The following ANKS1A variants were observed in gnomAD, a reference collection of about 807,000 sequenced individuals.
ANKS1A encodes the protein ankyrin repeat and SAM domain-containing protein 1A.
Under a neutral mutation model 120.3 loss-of-function variants are expected in ANKS1A, and 55 were observed. The observed-to-expected ratio is 0.46, with a 90% CI of 0.37 to 0.57. The LOEUF (loss-of-function observed/expected upper bound fraction) is 0.57, where lower values mean the gene tolerates loss of function less well. Among genes scored for constraint, ANKS1A ranks in the 20% least tolerant of loss-of-function variants. The pLI, the probability that ANKS1A is intolerant of heterozygous loss-of-function variation, is 0.00. For missense variants in ANKS1A, 1,123 were observed against 1,480.3 expected, an observed-to-expected ratio of 0.76 and a Z score of 3.96; for synonymous variants, 590 against 604.7, an observed-to-expected ratio of 0.98 and a Z score of 0.36.
At chr6:34,938,921 G>A (rs1044350825) in intron 1 of ANKS1A, among the ~76,000 whole-genome samples, 7 of 152,238 alleles carry the variant, frequency 4.6e-5, no homozygotes, top group Admixed American at 6.5e-5. Flanking sequence ...CCGGGAGGTG[G>A]AGGTTACAGT....
chr6:34,973,968 T>G (rs1350063958), intron 3 of ANKS1A, among the ~76,000 whole-genome samples: 1 of 36,914 alleles, frequency 2.7e-5, no homozygotes, highest in Non-Finnish European at 5.2e-5. Context: ...TCCCCTTGCC[T>G]TCCCCTTCCC....
In ANKS1A at chr6:35,079,613, G is replaced by C. The variant is rs777303292; in HGVS notation, c.2381G>C (p.Ser794Thr). The C allele has an allele frequency of 6.2e-7, 1 of 1,614,194 alleles. No homozygotes were observed. Among genetic ancestry groups the C allele is most frequent in the African/African-American group, 1.3e-5 (1 of 75,056 alleles). The change falls in exon 15 of 24, where the codon AGT (serine) becomes ACT (threonine). Residue 794 changes from serine (S) to threonine (T), a missense_variant. Coordinates refer to ENST00000360359, the MANE Select transcript of ANKS1A (RefSeq NM_015245.3). The part of the protein sequence containing the change: ...LQDYVHSFLS[S>T]GYSSIDTVKN... Reference sequence around the variant, plus strand: ...GACTACGTCCATTCCTTCTTGTCAAGTGGTTACAGCTCCATTGACACCGTG... The same window carrying C: ...GACTACGTCCATTCCTTCTTGTCAACTGGTTACAGCTCCATTGACACCGTG...
chr6:34,894,721 G>A (rs1461742144), intron 1 of ANKS1A, among the ~76,000 whole-genome samples: 1 of 152,154 alleles, frequency 6.6e-6, no homozygotes, highest in Non-Finnish European at 1.5e-5. Flanking sequence ...TGTAAATTGA[G>A]TTATGAACTA....
chr6:34,945,247 T>A (rs574368509), intron 1 of ANKS1A, among the ~76,000 whole-genome samples: 2 of 152,254 alleles, frequency 1.3e-5, no homozygotes, highest in Admixed American at 1.3e-4. Flanking sequence ...GGCTAATTTT[T>A]AAAAATATTT....
At chr6:34,961,199 C>A (rs1337868638) in intron 1 of ANKS1A, among the ~76,000 whole-genome samples, 1 of 152,054 alleles carries the variant, frequency 6.6e-6, no homozygotes, top group East Asian at 1.9e-4. Flanking sequence ...GGTGAGCAGC[C>A]CTTTGGTGCT....
chr6:35,022,955 T>C (rs1774420121), intron 11 of ANKS1A, among the ~76,000 whole-genome samples: 1 of 152,216 alleles, frequency 6.6e-6, no homozygotes, highest in African/African-American at 2.4e-5. Flanking sequence ...TTGGTTAGTT[T>C]GTTGTTGTTG....
At chr6:34,890,126 C>T (rs1305721737) in intron 1 of ANKS1A, among the ~76,000 whole-genome samples, 1 of 151,456 alleles carries the variant, frequency 6.6e-6, no homozygotes, top group African/African-American at 2.4e-5. Context: ...GAGACTTGTT[C>T]TGTCAGCCAG....
At chr6:34,908,579 G>C (rs187351723) in intron 1 of ANKS1A, among the ~76,000 whole-genome samples, 4 of 152,038 alleles carry the variant, frequency 2.6e-5, no homozygotes, top group Admixed American at 2.6e-4. Flanking sequence ...GTTGTACTTT[G>C]TTTGTTGGTT....
Position 35,090,112 on chromosome 6 carries a change from G to T in ANKS1A, c.*1503G>T. On this transcript the variant is annotated 3_prime_UTR_variant, in exon 24 of 24. Coordinates refer to ENST00000360359, the MANE Select transcript of ANKS1A (RefSeq NM_015245.3). The stretch of plus-strand genomic sequence containing the variant: ...GTTTCTATCTGCTAAGCACCCAGCA[G>T]GTTGGGGCCTGGGACTCAGCTCTCT... The T allele has an allele frequency of 7.8e-7, 1 of 1,289,336 alleles. No homozygotes were observed. Among genetic ancestry groups the T allele is most frequent in the South Asian group, 1.2e-5 (1 of 81,018 alleles). 79.9% of individuals were successfully genotyped at this position (1,289,336 alleles called of 1,614,324 possible). A position where few individuals can be genotyped will look rare whatever the true frequency, so the allele number is the denominator to read the frequency against.
At chr6:35,049,769 C>G (rs776822236) in intron 11 of ANKS1A, among the ~76,000 whole-genome samples, 1 of 152,188 alleles carries the variant, frequency 6.6e-6, no homozygotes. Flanking sequence ...GGGGCCCCAA[C>G]GAAAGACATA....
chr6:35,051,950 T>A (rs1232443129), intron 11 of ANKS1A, among the ~76,000 whole-genome samples: 2 of 152,158 alleles, frequency 1.3e-5, no homozygotes, highest in East Asian at 3.9e-4. Context: ...GCCAGGTGCT[T>A]TATGTACATG....
intron 11 of ANKS1A, among the ~76,000 whole-genome samples, chr6:35,025,650 C>CT (rs998676460): frequency 1.8e-4 from 28 of 152,144 alleles, no homozygotes; most frequent in Non-Finnish European, 2.8e-4. Context: ...TTCTTCTATG[C>CT]TTTTTTGTCT....
chr6:34,909,768 C>T (rs1045488058), intron 1 of ANKS1A, among the ~76,000 whole-genome samples: 4 of 151,976 alleles, frequency 2.6e-5, no homozygotes, highest in Non-Finnish European at 4.4e-5. Flanking sequence ...TGTTCCTCCC[C>T]GAAGGGATGA....
intron 1 of ANKS1A, among the ~76,000 whole-genome samples, chr6:34,913,069 G>GT (rs1767980457): frequency 6.6e-6 from 1 of 152,172 alleles, no homozygotes; most frequent in Non-Finnish European, 1.5e-5. Context: ...TAGGCCCTGT[G>GT]TTAGGAGCCA....
At chr6:34,986,267 T>G (rs1772196539) in intron 8 of ANKS1A, among the ~76,000 whole-genome samples, 1 of 152,226 alleles carries the variant, frequency 6.6e-6, no homozygotes, top group Non-Finnish European at 1.5e-5. Flanking sequence ...GGTCAGACAG[T>G]CTGTACCTGC....
chr6:34,948,039 TTTG>T (rs1769888730), intron 1 of ANKS1A, among the ~76,000 whole-genome samples: 1 of 151,102 alleles, frequency 6.6e-6, no homozygotes, highest in African/African-American at 2.4e-5. Context: ...TCGAAGTTTG[TTTG>T]TTTTTTTTAC....
chr6:35,090,623 C>G lies in ANKS1A; in HGVS notation c.*2014C>G. 1 of 991,618 alleles carries G rather than the reference C, an allele frequency of 1.0e-6. No individual in the cohort carries two copies. Among genetic ancestry groups the G allele is most frequent in the South Asian group, 4.6e-5 (1 of 21,878 alleles). 61.4% of individuals were successfully genotyped at this position (991,618 alleles called of 1,614,324 possible). ...CTGAATATTCAAGAAAGGAAAATGA[C>G]TGGGCCTTTCTTTCTTTTCTTCTCC... On this transcript the variant is annotated 3_prime_UTR_variant, in exon 24 of 24. Transcript: ENST00000360359.
intron 13 of ANKS1A, among the ~76,000 whole-genome samples, chr6:35,074,576 A>G (rs1223986346): frequency 3.9e-5 from 6 of 152,192 alleles, no homozygotes; most frequent in Admixed American, 3.9e-4. Context: ...TTTTAAAAAA[A>G]AAGTCTGGGA....
At chr6:35,043,213 T>C (rs992332276) in intron 11 of ANKS1A, among the ~76,000 whole-genome samples, 1 of 152,216 alleles carries the variant, frequency 6.6e-6, no homozygotes, top group South Asian at 2.1e-4. Flanking sequence ...GAATAGAAGC[T>C]GGAAATTTGA....
Sources: gnomAD v4.1 joint callset for allele counts (sites outside exome capture counted in the v4.1 genomes callset) on GRCh38, gnomAD v4.1.1 for gene constraint, MANE v1.5 for transcripts, NCBI Gene and HGNC (gene_info 2026-07-23, HGNC 2026-07-21) for gene names.